GIGYF2: variants seen among roughly 807,000 people sequenced by gnomAD.
The protein encoded by GIGYF2 is GRB10-interacting GYF protein 2.
GIGYF2 carries 25 observed loss-of-function variants against 208.1 expected under a neutral mutation model. The ratio of observed to expected loss-of-function variants is 0.12; its 90% CI spans 0.09 to 0.17. GIGYF2 has a LOEUF of 0.17. GIGYF2 is among the 10% of genes least tolerant of loss of function. The pLI is 1.00. For synonymous variants in GIGYF2, 534 were observed against 543.8 expected (o/e 0.98, Z 0.25); for missense variants, 1,302 against 1,579.4 (o/e 0.82, Z 2.98).
intron 8 of GIGYF2, chr2:232,770,849 T>G: frequency 7.9e-7 from 1 of 1,265,120 alleles, no homozygotes. Flanking sequence ...CACCTGTAGT[T>G]TTGTTTTGTT....
Position 232,780,603 on chromosome 2 carries a change from C to T in GIGYF2, c.533-6547C>T, listed in dbSNP as rs138259932. On this transcript the variant is annotated intron_variant, in intron 8 of 28. Transcript: ENST00000373563. ...AGTGCATGTCCAGTGCAAGGATTCA[C>T]AGCCCTGAGCTCATTCATTGACTGT... is the stretch of plus-strand genomic sequence containing the variant. Among the ~76,000 whole-genome samples the T allele has an allele frequency of 8.7e-3, 1,326 of 152,312 alleles. 35 individuals carry two copies. The highest frequency in any genetic ancestry group is 0.054 in the Admixed American group (830 of 15,290).
In GIGYF2 at chr2:232,722,626, ACTGATG is replaced by A. The variant is rs577541767; in HGVS notation, c.-43-12528_-43-12523del. 11 of 152,330 alleles carry A rather than the reference ACTGATG, an allele frequency of 7.2e-5. No individual in the cohort carries two copies. In the East Asian group the frequency reaches 2.1e-3, roughly 29 times the overall value. 9.4% of individuals were successfully genotyped at this position (152,330 alleles called of 1,614,324 possible). A position where few individuals can be genotyped will look rare whatever the true frequency, so the allele number is the denominator to read the frequency against. ...ACAGAACAAGGATGTTGTTGGAAAA[ACTGATG>A]AAATCTGAATAAACTCTGAAGTATA... On this transcript the variant is annotated intron_variant, in intron 2 of 28. Coordinates refer to ENST00000373563, the MANE Select transcript of GIGYF2 (RefSeq NM_001103146.3).
At chr2:232,848,158 G>A (rs1702081407) in intron 27 of GIGYF2, among the ~76,000 whole-genome samples, 1 of 152,104 alleles carries the variant, frequency 6.6e-6, no homozygotes, top group African/African-American at 2.4e-5. Context: ...TGTTTTATGT[G>A]TGTGTCTTTT....
Position 232,743,327 on chromosome 2 carries a change from TGAG to T in GIGYF2, c.42-4284_42-4282del, listed in dbSNP as rs371308047. On this transcript the variant is annotated intron_variant, in intron 3 of 28. Coordinates refer to ENST00000373563, the MANE Select transcript of GIGYF2 (RefSeq NM_001103146.3). Reference sequence around the variant, plus strand: ...GGCTGTATCAAAAGTTTTAAACAAATGAGGAGATATGTTTAGAGACAGACGAAA... The same window carrying T: ...GGCTGTATCAAAAGTTTTAAACAAATGAGATATGTTTAGAGACAGACGAAA... Among the ~76,000 whole-genome samples the T allele has an allele frequency of 9.6e-3, 1,466 of 152,082 alleles. 10 individuals carry two copies. Among genetic ancestry groups the T allele is most frequent in the Middle Eastern group, 0.027 (8 of 292 alleles).
At position 232,735,236 on chromosome 2, in the gene GIGYF2, A is replaced by G; in HGVS notation, c.39A>G (p.Glu13=). 4.4e-6 allele frequency: 7 copies of G among 1,602,672 alleles called. No homozygotes were observed. Among genetic ancestry groups the G allele is most frequent in the Non-Finnish European group, 6.0e-6 (7 of 1,169,550 alleles). Residue 13 remains glutamate (E), a splice_region_variant and synonymous_variant, in exon 3 of 29, where the codon GAA becomes GAG. Transcript: ENST00000373563. ...AETQTLNFGP[E]WLRALSSGGS... is the part of the protein sequence containing the mutation. ...CGCAGACACTGAACTTTGGGCCTGAATGGTGAGTTTTCAAAATCTCATCTT... is the reference window on the plus strand; with the variant it reads ...CGCAGACACTGAACTTTGGGCCTGAGTGGTGAGTTTTCAAAATCTCATCTT...
chr2:232,843,173 G>A (rs62193337), intron 23 of GIGYF2: 48,283 of 120,450 alleles, frequency 0.4, 8,298 homozygotes, highest in Admixed American at 0.47. Context: ...GTGTGTGTGT[G>A]TGTGTGTGTA....
rs1464850897 is a variant in GIGYF2 at position 232,844,422 on chromosome 2, T to C, written c.3153T>C (p.Thr1051=). Residue 1051 remains threonine (T), a synonymous_variant, in exon 25 of 29, where the codon ACT becomes ACC. Transcript: ENST00000373563. ...IGNSVWGSIN[T]GPPNQWASDL... ...ATTCTGTTTGGGGCTCTATAAATAC[T>C]GGTCCTCCTAACCAGTGGGCATCTG... is the stretch of plus-strand genomic sequence containing the variant. 3 of 1,613,692 alleles carry C rather than the reference T, an allele frequency of 1.9e-6. No homozygotes were observed. In the Admixed American group the frequency reaches 5.0e-5, roughly 27 times the overall value.
At chr2:232,707,785 G>A (rs186614186) in intron 2 of GIGYF2, among the ~76,000 whole-genome samples, 1 of 151,484 alleles carries the variant, frequency 6.6e-6, no homozygotes, top group Non-Finnish European at 1.5e-5. Context: ...TTACAGGTGC[G>A]TGCCACCATG....
chr2:232,709,353 T>A (rs1288875375), intron 2 of GIGYF2, among the ~76,000 whole-genome samples: 3 of 152,048 alleles, frequency 2.0e-5, no homozygotes, highest in African/African-American at 7.2e-5. Context: ...TTAAATTGGG[T>A]TTTCTTTTTA....
At chr2:232,847,963 T>G (rs1702077542) in intron 27 of GIGYF2, among the ~76,000 whole-genome samples, 1 of 149,776 alleles carries the variant, frequency 6.7e-6, no homozygotes, top group African/African-American at 2.4e-5. Context: ...ATATTTCATG[T>G]TGTTGTTGGG....
intron 5 of GIGYF2, among the ~76,000 whole-genome samples, chr2:232,751,851 G>C (rs1462981137): frequency 6.6e-6 from 1 of 152,130 alleles, no homozygotes; most frequent in Non-Finnish European, 1.5e-5. Flanking sequence ...AATGTTGCTT[G>C]GGATCTGTTG....
intron 2 of GIGYF2, among the ~76,000 whole-genome samples, chr2:232,712,274 G>C (rs533078671): frequency 6.6e-6 from 1 of 152,150 alleles, no homozygotes; most frequent in Non-Finnish European, 1.5e-5. Flanking sequence ...AGCTAGTTGA[G>C]CTTGTAACCC....
intron 2 of GIGYF2, among the ~76,000 whole-genome samples, chr2:232,726,295 G>A (rs1251140480): frequency 6.6e-6 from 1 of 151,582 alleles, no homozygotes; most frequent in Non-Finnish European, 1.5e-5. Context: ...CTTGAACCTG[G>A]GAGGCGGAGG....
chr2:232,830,517 A>G (rs1352373281), intron 21 of GIGYF2, among the ~76,000 whole-genome samples: 1 of 152,058 alleles, frequency 6.6e-6, no homozygotes, highest in Non-Finnish European at 1.5e-5. Flanking sequence ...GAGCTTCCAT[A>G]TTTCCCCTTG....
intron 28 of GIGYF2, among the ~76,000 whole-genome samples, 190 bp from the exon 29 acceptor site, chr2:232,856,603 A>C (rs1048678795): frequency 1.3e-5 from 2 of 152,090 alleles, no homozygotes; most frequent in African/African-American, 4.8e-5. Flanking sequence ...ACGGCATGAG[A>C]ATCTCTTGAA....
chr2:232,774,131 A>G (rs1300304068), intron 8 of GIGYF2, among the ~76,000 whole-genome samples: 1 of 151,948 alleles, frequency 6.6e-6, no homozygotes, highest in East Asian at 1.9e-4. Context: ...GAAAAAAAAA[A>G]AAGAAAGAAA....
In GIGYF2 at chr2:232,839,954, C is replaced by T. The variant is rs768159675; in HGVS notation, c.2872C>T (p.Arg958Trp). ...CCAAAAACTAGAGGAAGAACGAGAACGGCAGCTTCGAGAAGAGGTAAAATT... is the reference window on the plus strand; with the variant it reads ...CCAAAAACTAGAGGAAGAACGAGAATGGCAGCTTCGAGAAGAGGTAAAATT... ...EIQKLEEERE[R>W]QLREEQRRQQ... Residue 958 changes from arginine to tryptophan, a missense_variant, in exon 23 of 29, where the codon CGG becomes TGG. Arg to Trp is a moderately radical substitution (Grantham distance 101). Transcript: ENST00000373563. 8 of 1,613,946 alleles carry T rather than the reference C, an allele frequency of 5.0e-6. No individual in the cohort carries two copies. The highest frequency in any genetic ancestry group is 2.2e-5 in the South Asian group (2 of 91,078).
intron 22 of GIGYF2, among the ~76,000 whole-genome samples, chr2:232,838,270 ATGTGTGTG>A (rs1701711455): frequency 6.6e-6 from 1 of 151,596 alleles, no homozygotes; most frequent in Non-Finnish European, 1.5e-5. Context: ...ATATGTGTGT[ATGTGTGTG>A]TGCATGTGTA....
At chr2:232,853,465 G>A (rs1467904496) in intron 28 of GIGYF2, among the ~76,000 whole-genome samples, 1 of 152,160 alleles carries the variant, frequency 6.6e-6, no homozygotes, top group Admixed American at 6.5e-5. Context: ...AGTAGAGATG[G>A]GGTTTCACCA....
Sources: allele counts gnomAD v4.1 joint callset (sites outside exome capture counted in the v4.1 genomes callset), GRCh38; gene constraint gnomAD v4.1.1; transcripts MANE v1.5; gene names NCBI Gene and HGNC (gene_info 2026-07-23, HGNC 2026-07-21).